The following VAV2 variants were observed in gnomAD, a reference collection of about 807,000 sequenced individuals.
The protein encoded by VAV2 is guanine nucleotide exchange factor VAV2.
VAV2 carries 67 observed loss-of-function variants against 132.5 expected under a neutral mutation model. That is an observed-to-expected ratio of 0.51 (90% CI 0.42 to 0.62). The LOEUF (loss-of-function observed/expected upper bound fraction) is 0.62, where lower values mean the gene tolerates loss of function less well. Ranked by LOEUF, VAV2 falls within the 20% of genes least tolerant of loss-of-function variation. The pLI is 0.00. For missense variants in VAV2, 938 were observed against 1,153.6 expected, an observed-to-expected ratio of 0.81 and a Z score of 2.71; for synonymous variants, 492 against 443.5, an observed-to-expected ratio of 1.11 and a Z score of -1.37.
At position 133,840,321 on chromosome 9, in the gene VAV2, G is replaced by C. The variant is rs566642825; in HGVS notation, c.381-5981C>G. ...GAAGCAGAGAAGCCCCAAGTGCTGAGTGCAGAGAAATCCCCAGCAGAGCCC... is the reference window on the plus strand; with the variant it reads ...GAAGCAGAGAAGCCCCAAGTGCTGACTGCAGAGAAATCCCCAGCAGAGCCC... On this transcript the variant is annotated intron_variant, in intron 3 of 29. Coordinates refer to ENST00000371850, the MANE Select transcript of VAV2 (RefSeq NM_001134398.2). The surrounding 1 kb of genome is among the most constrained non-coding windows in gnomAD (Gnocchi z 4.5). Among the ~76,000 whole-genome samples the C allele has an allele frequency of 1.2e-4, 19 of 152,238 alleles. No homozygotes were observed. Among genetic ancestry groups the C allele is most frequent in the African/African-American group, 4.6e-4 (19 of 41,548 alleles).
At chr9:133,909,817 C>T (rs913788896) in intron 2 of VAV2, among the ~76,000 whole-genome samples, 4 of 152,230 alleles carry the variant, frequency 2.6e-5, no homozygotes, top group Non-Finnish European at 5.9e-5. Context: ...TGCCCTCTTA[C>T]ATCCCAAAAC....
chr9:133,876,582 G>A (rs548040641), intron 2 of VAV2, among the ~76,000 whole-genome samples: 85 of 152,338 alleles, frequency 5.6e-4, no homozygotes, highest in African/African-American at 1.9e-3. Flanking sequence ...AGCTGGCCTC[G>A]CCTGGGGCAG....
intron 2 of VAV2, among the ~76,000 whole-genome samples, chr9:133,905,884 A>C (rs576140755): frequency 6.2e-4 from 94 of 151,416 alleles, no homozygotes; most frequent in South Asian, 4.2e-3. Flanking sequence ...AAAAAAAAAT[A>C]CAGAAATTAG....
intron 3 of VAV2, among the ~76,000 whole-genome samples, chr9:133,848,300 A>AAAAAAAAAAAAAAAAAAAC: frequency 6.8e-6 from 1 of 146,668 alleles, no homozygotes; most frequent in Admixed American, 6.8e-5. Context: ...AAAAAAAAAA[A>AAAAAAAAAAAAAAAAAAAC]AAAATCCAAA....
intron 9 of VAV2, among the ~76,000 whole-genome samples, chr9:133,798,767 C>T (rs568244262): frequency 5.9e-5 from 9 of 152,312 alleles, no homozygotes; most frequent in African/African-American, 2.2e-4. Context: ...CTTTTTTGCC[C>T]ATTTGTAAAG....
At chr9:133,934,078 G>GT (rs1366939350) in intron 2 of VAV2, among the ~76,000 whole-genome samples, 1 of 151,288 alleles carries the variant, frequency 6.6e-6, no homozygotes, top group African/African-American at 2.4e-5. Context: ...TAGATGGATG[G>GT]TGAGTGGATG....
At chr9:133,897,253 C>T (rs3780750) in intron 2 of VAV2, among the ~76,000 whole-genome samples, 8 of 152,146 alleles carry the variant, frequency 5.3e-5, no homozygotes, top group African/African-American at 1.9e-4. Flanking sequence ...CAGCAAGAGA[C>T]TAAGTCCCCC....
At chr9:133,965,219 G>A (rs1842104194) in intron 1 of VAV2, among the ~76,000 whole-genome samples, 1 of 152,050 alleles carries the variant, frequency 6.6e-6, no homozygotes, top group South Asian at 2.1e-4. Flanking sequence ...CAGGCACAGT[G>A]GCTCATGCCT....
At chr9:133,850,584 A>C (rs886293519) in intron 3 of VAV2, among the ~76,000 whole-genome samples, 1 of 152,232 alleles carries the variant, frequency 6.6e-6, no homozygotes, top group African/African-American at 2.4e-5. Flanking sequence ...TCTGGGCCTC[A>C]GTTTCCCCAT....
chr9:133,938,509 CTGCA>C (rs10539965), intron 2 of VAV2, among the ~76,000 whole-genome samples: 132,892 of 151,686 alleles, frequency 0.88, 59,064 homozygotes, highest in East Asian at 0.98. Context: ...AGCCCGGCTC[CTGCA>C]TGCAGGACTG....
At chr9:133,790,975 T>A (rs748461044) in intron 13 of VAV2, among the ~76,000 whole-genome samples, 27 of 152,074 alleles carry the variant, frequency 1.8e-4, no homozygotes, top group Non-Finnish European at 2.9e-4. Context: ...TGGTTGGCAT[T>A]ACTTGAGGGG....
At chr9:133,977,700 T>A (rs1418478231) in intron 1 of VAV2, among the ~76,000 whole-genome samples, 1 of 152,188 alleles carries the variant, frequency 6.6e-6, no homozygotes, top group Non-Finnish European at 1.5e-5. Context: ...GTCCAGAGCC[T>A]GCCCCTCAAC....
rs746265076 is a variant in VAV2 at position 133,807,302 on chromosome 9, C to A, written c.691G>T (p.Val231Leu). Residue 231 changes from valine to leucine, a missense_variant, in exon 8 of 30, where the codon GTG (valine) becomes TTG (leucine). By Grantham distance (32) the Val-to-Leu change is conservative. Transcript: ENST00000371850. ...GCTGCCATGTCCGCCGGGCTCAGCA[C>A]CAGCCGCAGGGGGCTCATGTAGTTC... is the stretch of plus-strand genomic sequence containing the variant. Reference protein sequence around the residue: ...EKNYMSPLRLVLSPADMAAVF... With the variant: ...EKNYMSPLRLLLSPADMAAVF... 1.2e-6 allele frequency: 2 copies of A among 1,611,086 alleles called. No homozygotes were observed. Among genetic ancestry groups the A allele is most frequent in the East Asian group, 4.5e-5 (2 of 44,818 alleles).
At chr9:133,817,327 T>C (rs7048365) in intron 4 of VAV2, among the ~76,000 whole-genome samples, 26,941 of 152,140 alleles carry the variant, frequency 0.18, 2,582 homozygotes, top group African/African-American at 0.24. Context: ...TGTCCCTTCT[T>C]TCCAGGCTTC....
intron 29 of VAV2, among the ~76,000 whole-genome samples, chr9:133,766,935 T>TA (rs35875726): frequency 0.12 from 18,202 of 151,238 alleles, 2,351 homozygotes; most frequent in African/African-American, 0.33. Flanking sequence ...TGGGAAATAG[T>TA]AAAAAAGTAC....
At chr9:133,778,311 A>T (rs1277877425) in intron 22 of VAV2, among the ~76,000 whole-genome samples, 3 of 152,112 alleles carry the variant, frequency 2.0e-5, no homozygotes, top group Non-Finnish European at 4.4e-5. Flanking sequence ...CTGGGGAAGG[A>T]GCGAACCTGC....
Position 133,961,134 on chromosome 9 carries a change from C to A in VAV2, c.205-21915G>T, listed in dbSNP as rs1010066867. ...GAGCTGCTGAGCGCTTTTAGTTAGCCCAACACGGACCAAGGCCACCTCGGC... is the reference window on the plus strand; with the variant it reads ...GAGCTGCTGAGCGCTTTTAGTTAGCACAACACGGACCAAGGCCACCTCGGC... On this transcript the variant is annotated intron_variant, in intron 1 of 29. Coordinates refer to ENST00000371850, the MANE Select transcript of VAV2 (RefSeq NM_001134398.2). This position sits in a 1 kb window ranked among gnomAD's most constrained non-coding sequence, Gnocchi z 4.1. Among the ~76,000 whole-genome samples, 4 of 152,346 alleles carry A rather than the reference C, an allele frequency of 2.6e-5. No homozygotes were observed. The highest frequency in any genetic ancestry group is 9.6e-5 in the African/African-American group (4 of 41,570).
intron 2 of VAV2, among the ~76,000 whole-genome samples, chr9:133,897,590 T>C (rs1839262878): frequency 1.3e-5 from 2 of 152,136 alleles, no homozygotes; most frequent in Admixed American, 6.5e-5. Context: ...CAGAGAGCTC[T>C]GCTGTCTCCC....
Position 133,769,342 on chromosome 9 carries a change from G to T in VAV2, c.2434+75C>A. ...CGTCAGGCAGGGCTGTGGGGCCAGT[G>T]GGCAGCTCCGTGCTGGGTCTCCCAA... On this transcript the variant is annotated intron_variant, in intron 28 of 29. Transcript: ENST00000371850. This position sits in a 1 kb window ranked among gnomAD's most constrained non-coding sequence, Gnocchi z 8.1. 1 of 1,458,172 alleles carries T rather than the reference G, an allele frequency of 6.9e-7. No individual in the cohort carries two copies. The highest frequency in any genetic ancestry group is 9.3e-7 in the Non-Finnish European group (1 of 1,075,108). The allele number at this position is 1,458,172 out of a possible 1,614,324, so 90.3% of individuals were successfully genotyped here.
Sources: gnomAD v4.1 joint callset for allele counts (sites outside exome capture counted in the v4.1 genomes callset) on GRCh38, gnomAD v4.1.1 for gene constraint, Gnocchi (gnomAD v3.1) non-coding constraint, MANE v1.5 for transcripts, NCBI Gene and HGNC (gene_info 2026-07-23, HGNC 2026-07-21) for gene names.